Variants in XXYLT1 observed in about 807,000 individuals in gnomAD.
XXYLT1 encodes UDP-xylose:alpha-xyloside alpha-1,3-xylosyltransferase.
In XXYLT1, 20 loss-of-function variants were observed where a neutral mutation model predicts 28.9. The observed-to-expected ratio is 0.69, with a 90% CI of 0.49 to 1.00. The LOEUF (loss-of-function observed/expected upper bound fraction) is 1.00. Ranked by LOEUF, XXYLT1 falls within the 50% of genes least tolerant of loss-of-function variation. XXYLT1 has a pLI of 0.00. For missense variants in XXYLT1, 542 were observed against 560.1 expected, an observed-to-expected ratio of 0.97 and a Z score of 0.33; for synonymous variants, 257 against 253.8, an observed-to-expected ratio of 1.01 and a Z score of -0.12.
rs535153878 is a variant in XXYLT1 at position 195,268,851 on chromosome 3, T to C, written c.504+1704A>G. On this transcript the variant is annotated intron_variant, in intron 1 of 3. Coordinates refer to ENST00000310380, the MANE Select transcript of XXYLT1 (RefSeq NM_152531.5). ...GACAGGAGGGGCTCGGCCCTGAGGC[T>C]GGATCTACCCCTGGGCCAATATTTC... 6.6e-5 allele frequency among the ~76,000 whole-genome samples: 10 copies of C among 152,196 alleles called. 1 individual carries two copies. The highest frequency in any genetic ancestry group is 2.4e-4 in the African/African-American group (10 of 41,522).
chr3:195,169,884 A>C (rs1406518180), intron 2 of XXYLT1, among the ~76,000 whole-genome samples: 2 of 134,494 alleles, frequency 1.5e-5, no homozygotes, highest in Non-Finnish European at 3.2e-5. Flanking sequence ...TTTTTTTTTG[A>C]GATGGAGTTT....
In XXYLT1 at chr3:195,150,378, A is replaced by G. The variant is rs983087161; in HGVS notation, c.785+6071T>C. ...CTGTGCTGGCGCTCACTCCCTCCCC[A>G]ACACTCCCCTGGGAGCCCAGCACCA... On this transcript the variant is annotated intron_variant, in intron 3 of 3. Coordinates refer to ENST00000310380, the MANE Select transcript of XXYLT1 (RefSeq NM_152531.5). The surrounding 1 kb of genome is among the most constrained non-coding windows in gnomAD (Gnocchi z 4.7). Among the ~76,000 whole-genome samples, 1 of 151,914 alleles carries G rather than the reference A, an allele frequency of 6.6e-6. No homozygotes were observed. The highest frequency in any genetic ancestry group is 1.5e-5 in the Non-Finnish European group (1 of 67,966).
At chr3:195,260,950 G>C (rs1166733865) in intron 1 of XXYLT1, among the ~76,000 whole-genome samples, 1 of 152,138 alleles carries the variant, frequency 6.6e-6, no homozygotes, top group Non-Finnish European at 1.5e-5. Context: ...CAGATTGTCA[G>C]GTGGGCTACA....
At chr3:195,072,490 C>G (rs1479082110) in intron 3 of XXYLT1, among the ~76,000 whole-genome samples, 1 of 152,152 alleles carries the variant, frequency 6.6e-6, no homozygotes, top group African/African-American at 2.4e-5. Flanking sequence ...ATGGGGGCCG[C>G]AGGCAGAGAG....
At chr3:195,096,048 G>A (rs1384213560) in intron 3 of XXYLT1, 2 of 152,188 alleles carry the variant, frequency 1.3e-5, no homozygotes, top group African/African-American at 4.8e-5. Context: ...AAAGGCAAGA[G>A]GAGAAATAAG....
At chr3:195,088,128 A>C (rs779530745) in intron 3 of XXYLT1, among the ~76,000 whole-genome samples, 1 of 150,292 alleles carries the variant, frequency 6.7e-6, no homozygotes, top group Non-Finnish European at 1.5e-5. Context: ...GCCATTGCCC[A>C]GGCTTGATTA....
chr3:195,244,068 G>A (rs114660428), intron 1 of XXYLT1, among the ~76,000 whole-genome samples: 92 of 152,226 alleles, frequency 6.0e-4, no homozygotes, highest in African/African-American at 2.0e-3. Flanking sequence ...TCTCCACCTC[G>A]TGCTTACTGA....
intron 2 of XXYLT1, among the ~76,000 whole-genome samples, chr3:195,197,858 G>A (rs956981750): frequency 2.6e-5 from 4 of 152,136 alleles, no homozygotes; most frequent in Non-Finnish European, 2.9e-5. Context: ...TTCCCCTCTA[G>A]GCCAGCAGCT....
chr3:195,142,055 C>T (rs369986753), intron 3 of XXYLT1, among the ~76,000 whole-genome samples: 28 of 152,334 alleles, frequency 1.8e-4, no homozygotes, highest in African/African-American at 6.3e-4. Flanking sequence ...CTGACCCCAG[C>T]GGTTATTTCT....
At chr3:195,157,617 G>A (rs962907216) in intron 2 of XXYLT1, among the ~76,000 whole-genome samples, 2 of 152,190 alleles carry the variant, frequency 1.3e-5, no homozygotes, top group African/African-American at 4.8e-5. Context: ...GCCTGACCAG[G>A]ATCCTAGGTG....
At chr3:195,208,182 T>C (rs1367441804) in intron 2 of XXYLT1, among the ~76,000 whole-genome samples, 1 of 152,218 alleles carries the variant, frequency 6.6e-6, no homozygotes, top group East Asian at 1.9e-4. Context: ...GAGGTGGTAT[T>C]TGGATGACAC....
In XXYLT1 at chr3:195,270,587, G is replaced by T. The variant is rs779635970; in HGVS notation, c.472C>A (p.Leu158Ile). 7.2e-7 allele frequency: 1 copy of T among 1,386,814 alleles called. No individual in the cohort carries two copies. The highest frequency in any genetic ancestry group is 9.3e-7 in the Non-Finnish European group (1 of 1,072,658). 85.9% of individuals were successfully genotyped at this position (1,386,814 alleles called of 1,614,324 possible). A position where few individuals can be genotyped will look rare whatever the true frequency, so the allele number is the denominator to read the frequency against. ...TTGAAGCCAGCGGCGGGCGGCAGGA[G>T]CTCCCGCAGCAGGCCCTTGGCCACC... ...REVAKGLLRELLPPAAGFKCK... is the reference protein window; with the variant it reads ...REVAKGLLREILPPAAGFKCK... Residue 158 changes from leucine to isoleucine, a missense_variant, in exon 1 of 4, where the codon CTC (leucine) becomes ATC (isoleucine). Coordinates refer to ENST00000310380, the MANE Select transcript of XXYLT1 (RefSeq NM_152531.5).
At chr3:195,142,815 T>C (rs1450430553) in intron 3 of XXYLT1, among the ~76,000 whole-genome samples, 1 of 152,308 alleles carries the variant, frequency 6.6e-6, no homozygotes, top group East Asian at 1.9e-4. Context: ...TGGGAAGCAG[T>C]GAGGATATAC....
At position 195,078,106 on chromosome 3, in the gene XXYLT1, G is replaced by A. The variant is rs190765512; in HGVS notation, c.786-7995C>T. On this transcript the variant is annotated intron_variant, in intron 3 of 3. Coordinates refer to ENST00000310380, the MANE Select transcript of XXYLT1 (RefSeq NM_152531.5). This position sits in a 1 kb window ranked among gnomAD's most constrained non-coding sequence, Gnocchi z 5.0. ...CGGCGGAGCCAGAAACAGCCATGGC[G>A]GAGCTGGGAGGAGTGGGTGTGGGGC... Among the ~76,000 whole-genome samples, 4 of 152,148 alleles carry A rather than the reference G, an allele frequency of 2.6e-5. No individual in the cohort carries two copies. Among genetic ancestry groups the A allele is most frequent in the African/African-American group, 4.8e-5 (2 of 41,436 alleles).
chr3:195,197,599 T>C (rs1722681088), intron 2 of XXYLT1, among the ~76,000 whole-genome samples: 1 of 152,206 alleles, frequency 6.6e-6, no homozygotes, highest in Non-Finnish European at 1.5e-5. Context: ...TTCACAAGCA[T>C]CATAGTATGG....
intron 1 of XXYLT1, among the ~76,000 whole-genome samples, chr3:195,235,836 T>C (rs997263671): frequency 7.9e-5 from 12 of 152,238 alleles, no homozygotes; most frequent in African/African-American, 2.9e-4. Flanking sequence ...TCCGAATTAC[T>C]TGTTCTCTTC....
intron 1 of XXYLT1, among the ~76,000 whole-genome samples, chr3:195,238,150 A>C (rs12492289): frequency 0.14 from 21,543 of 151,702 alleles, 3,323 homozygotes; most frequent in African/African-American, 0.38. Flanking sequence ...CCGTCCCCCG[A>C]CCTCCCCGCC....
At chr3:195,160,017 A>G (rs1720793460) in intron 2 of XXYLT1, among the ~76,000 whole-genome samples, 1 of 152,266 alleles carries the variant, frequency 6.6e-6, no homozygotes, top group African/African-American at 2.4e-5. Context: ...CAAGCATGTC[A>G]TCTGACCATG....
At chr3:195,205,535 G>T (rs1462833733) in intron 2 of XXYLT1, among the ~76,000 whole-genome samples, 2 of 152,188 alleles carry the variant, frequency 1.3e-5, no homozygotes, top group Non-Finnish European at 2.9e-5. Flanking sequence ...AAGGATCTTT[G>T]TGGGGATAAA....
Sources: allele counts gnomAD v4.1 joint callset (sites outside exome capture counted in the v4.1 genomes callset), GRCh38; gene constraint gnomAD v4.1.1; non-coding constraint Gnocchi (gnomAD v3.1); transcripts MANE v1.5; gene names NCBI Gene and HGNC (gene_info 2026-07-23, HGNC 2026-07-21).